The following PARPBP variants were observed in gnomAD, a reference collection of about 807,000 sequenced individuals.
PARPBP encodes the protein PCNA-interacting partner.
In PARPBP, 52 loss-of-function variants were observed where a neutral mutation model predicts 50.0. The ratio of observed to expected loss-of-function variants is 1.04; its 90% CI spans 0.83 to 1.31. The LOEUF (loss-of-function observed/expected upper bound fraction) is 1.31. Among genes scored for constraint, PARPBP ranks in the 50% most tolerant of loss-of-function variants. The pLI, the probability that PARPBP is intolerant of heterozygous loss-of-function variation, is 0.00. For missense variants in PARPBP, 697 were observed against 672.0 expected (o/e 1.04, Z -0.41); for synonymous variants, 244 against 232.1 (o/e 1.05, Z -0.47).
chr12:102,133,059 G>A (rs1327027033), intron 2 of PARPBP, among the ~76,000 whole-genome samples: 1 of 151,920 alleles, frequency 6.6e-6, no homozygotes, highest in African/African-American at 2.4e-5. Context: ...CGTCTTTATG[G>A]TTTTCTGTAT....
At chr12:102,175,414 A>G in intron 6 of PARPBP, 69 bp from the exon 7 acceptor site, 2 of 983,818 alleles carry the variant, frequency 2.0e-6, no homozygotes, top group South Asian at 1.8e-5. Context: ...TGAAAATTAT[A>G]TTTTCAAGTC....
At chr12:102,166,023 A>G (rs1002197076) in intron 6 of PARPBP, 140 bp downstream of exon 6, 5 of 590,974 alleles carry the variant, frequency 8.5e-6, no homozygotes, top group African/African-American at 1.9e-5. Context: ...AGATGAATAA[A>G]TTATAATCAC....
At chr12:102,189,555 C>T in intron 9 of PARPBP, among the ~76,000 whole-genome samples, 1 of 152,220 alleles carries the variant, frequency 6.6e-6, no homozygotes, top group East Asian at 1.9e-4. Flanking sequence ...TAAAGATACA[C>T]TTAAATGCAA....
At chr12:102,188,557 G>A (rs563538665) in intron 9 of PARPBP, among the ~76,000 whole-genome samples, 181 of 152,236 alleles carry the variant, frequency 1.2e-3, no homozygotes, top group African/African-American at 4.2e-3. Flanking sequence ...CAGTGAAAAG[G>A]AGAACTCTTC....
intron 3 of PARPBP, among the ~76,000 whole-genome samples, chr12:102,152,776 T>TA (rs920731131): frequency 8.0e-5 from 11 of 138,218 alleles, no homozygotes; most frequent in South Asian, 2.2e-4. Context: ...TCATGACGAT[T>TA]AAAAAAAAAA....
intron 4 of PARPBP, among the ~76,000 whole-genome samples, chr12:102,159,491 A>G (rs1337232940): frequency 3.9e-5 from 6 of 152,212 alleles, no homozygotes; most frequent in Non-Finnish European, 8.8e-5. Context: ...TTGCAGAGAA[A>G]TATTTTGACC....
intron 4 of PARPBP, among the ~76,000 whole-genome samples, chr12:102,161,208 T>A (rs1203141645): frequency 6.6e-6 from 1 of 151,948 alleles, no homozygotes; most frequent in Non-Finnish European, 1.5e-5. Flanking sequence ...CAGGTTCAAG[T>A]GATTCTTGTG....
At chr12:102,159,773 C>A (rs1887364681) in intron 4 of PARPBP, among the ~76,000 whole-genome samples, 1 of 151,712 alleles carries the variant, frequency 6.6e-6, no homozygotes. Flanking sequence ...TATGCATTGG[C>A]AAACAAAAGT....
At chr12:102,137,422 C>CT (rs1414718294) in intron 2 of PARPBP, among the ~76,000 whole-genome samples, 1 of 151,890 alleles carries the variant, frequency 6.6e-6, no homozygotes, top group Non-Finnish European at 1.5e-5. Context: ...TTGAAATACT[C>CT]TTTAAGTTTT....
At position 102,196,485 on chromosome 12, in the gene PARPBP, T is replaced by A; in HGVS notation, c.*194T>A. On this transcript the variant is annotated 3_prime_UTR_variant, in exon 11 of 11. Transcript: ENST00000327680. ...TATGCAGAATTTTCACAAAGTTTAA[T>A]GCACAGAGAAAGCATATCATTTCAG... 1 of 736,966 alleles carries A rather than the reference T, an allele frequency of 1.4e-6. No individual in the cohort carries two copies. Among genetic ancestry groups the A allele is most frequent in the Non-Finnish European group, 2.4e-6 (1 of 423,908 alleles). 45.7% of individuals were successfully genotyped at this position (736,966 alleles called of 1,614,324 possible). A position where few individuals can be genotyped will look rare whatever the true frequency, so the allele number is the denominator to read the frequency against.
intron 2 of PARPBP, among the ~76,000 whole-genome samples, chr12:102,137,693 C>T (rs1883868123): frequency 6.6e-6 from 1 of 151,916 alleles, no homozygotes; most frequent in Admixed American, 6.6e-5. Context: ...TGTGATGTTC[C>T]CCTTCCTGTG....
chr12:102,170,483 G>T (rs948793303), intron 6 of PARPBP, among the ~76,000 whole-genome samples: 8 of 152,230 alleles, frequency 5.3e-5, no homozygotes, highest in Admixed American at 6.5e-5. Context: ...AATGGTATTT[G>T]TGTGGCTAAG....
chr12:102,162,634 A>C (rs1004454852), intron 4 of PARPBP, among the ~76,000 whole-genome samples: 1 of 152,154 alleles, frequency 6.6e-6, no homozygotes. Flanking sequence ...CAACCTGGGC[A>C]ACATAGTGGG....
intron 3 of PARPBP, among the ~76,000 whole-genome samples, chr12:102,152,933 C>CAAAAAAAAAAAAAAAAGAAAAAA (rs80188087): frequency 1.2e-5 from 1 of 80,470 alleles, no homozygotes. Flanking sequence ...AACAGTAAAA[C>CAAAAAAAAAAAAAAAAGAAAAAA]AAAAAAAAAA....
At chr12:102,183,708 A>G (rs1241051854) in intron 9 of PARPBP, among the ~76,000 whole-genome samples, 8 of 152,170 alleles carry the variant, frequency 5.3e-5, no homozygotes, top group African/African-American at 1.9e-4. Flanking sequence ...GGATACTGAC[A>G]AACTTTAATA....
intron 2 of PARPBP, among the ~76,000 whole-genome samples, chr12:102,147,298 A>G (rs939708612): frequency 3.3e-5 from 5 of 152,148 alleles, no homozygotes; most frequent in African/African-American, 1.2e-4. Flanking sequence ...TCACAATAGC[A>G]AAGACTTGGA....
chr12:102,169,181 G>C (rs1888442144), intron 6 of PARPBP, among the ~76,000 whole-genome samples: 1 of 152,088 alleles, frequency 6.6e-6, no homozygotes, highest in African/African-American at 2.4e-5. Context: ...AATTATCATA[G>C]TCTTTGGTCT....
intron 5 of PARPBP, among the ~76,000 whole-genome samples, chr12:102,165,117 T>C (rs1264695930): frequency 6.6e-6 from 1 of 152,228 alleles, no homozygotes; most frequent in Admixed American, 6.5e-5. Flanking sequence ...TTTCTTAGAA[T>C]GTACCTTGGA....
intron 3 of PARPBP, among the ~76,000 whole-genome samples, chr12:102,151,325 G>A (rs752039489): frequency 5.9e-5 from 9 of 152,210 alleles, no homozygotes; most frequent in African/African-American, 1.2e-4. Context: ...GGGATGGGGG[G>A]ATGGCAGAGG....
Sources: allele counts gnomAD v4.1 joint callset (sites outside exome capture counted in the v4.1 genomes callset), GRCh38; gene constraint gnomAD v4.1.1; transcripts MANE v1.5; gene names NCBI Gene and HGNC (gene_info 2026-07-23, HGNC 2026-07-21).